Variants in ERBB4 observed in about 807,000 individuals in gnomAD.
ERBB4 encodes erb-b2 receptor tyrosine kinase 4.
ERBB4 carries 42 observed loss-of-function variants against 158.0 expected under a neutral mutation model. The ratio of observed to expected loss-of-function variants is 0.27; its 90% confidence interval spans 0.21 to 0.34. The LOEUF (loss-of-function observed/expected upper bound fraction) is 0.34. Ranked by LOEUF, ERBB4 falls within the 10% of genes least tolerant of loss-of-function variation. The pLI is 1.00. For synonymous variants in ERBB4, 583 were observed against 558.7 expected, an observed-to-expected ratio of 1.04 and a Z score of -0.61; for missense variants, 1,333 against 1,624.1, an observed-to-expected ratio of 0.82 and a Z score of 3.08.
At chr2:212,418,345 G>C (rs1008504544) in intron 1 of ERBB4, among the ~76,000 whole-genome samples, 1 of 151,718 alleles carries the variant, frequency 6.6e-6, no homozygotes, top group Non-Finnish European at 1.5e-5. Flanking sequence ...ACATTTTCTA[G>C]TGTTTTCCAT....
chr2:211,606,103 T>G (rs768291235), intron 19 of ERBB4, among the ~76,000 whole-genome samples: 1 of 152,100 alleles, frequency 6.6e-6, no homozygotes, highest in Non-Finnish European at 1.5e-5. Flanking sequence ...CTCTGTACAA[T>G]AGACAAAGTA....
At chr2:212,055,952 A>G (rs535562942) in intron 2 of ERBB4, among the ~76,000 whole-genome samples, 1 of 152,366 alleles carries the variant, frequency 6.6e-6, no homozygotes, top group East Asian at 1.9e-4. Flanking sequence ...AGTTGACAGA[A>G]GAAGGCTTCA....
rs1002191444 is a variant in ERBB4, at chr2:211,721,642, T to C, written c.883+751A>G. Reference sequence around the variant, plus strand: ...AAACATATATATATATATATATATATATACATGTTTTGTTTAAGGTTAACT... The same window carrying C: ...AAACATATATATATATATATATATACATACATGTTTTGTTTAAGGTTAACT... On this transcript the variant is annotated intron_variant, in intron 7 of 27. Coordinates refer to ENST00000342788, the MANE Select transcript of ERBB4 (RefSeq NM_005235.3). Among the ~76,000 whole-genome samples, 2 of 145,538 alleles carry C rather than the reference T, an allele frequency of 1.4e-5. 1 individual carries two copies. The highest frequency in any genetic ancestry group is 5.1e-5 in the African/African-American group (2 of 39,266).
Position 211,750,639 on chromosome 2 carries a change from A to C in ERBB4, c.622T>G (p.Leu208Val). 6.2e-7 allele frequency: 1 copy of C among 1,613,586 alleles called. No individual in the cohort carries two copies. ...WGPTENHCQTLTRTVCAEQCD... is the reference protein window; with the variant it reads ...WGPTENHCQTVTRTVCAEQCD... Reference sequence around the variant, plus strand: ...TGTGCTCTCACTGATGAACACTTACAAGTCTGGCAATGATTTTCTGTGGGT... The same window carrying C: ...TGTGCTCTCACTGATGAACACTTACCAGTCTGGCAATGATTTTCTGTGGGT... Residue 208 changes from leucine (L) to valine (V), a missense_variant and splice_region_variant, in exon 5 of 28, where the codon TTG (leucine) becomes GTG (valine). By Grantham distance (32) the Leu-to-Val change is conservative (BLOSUM62 1). This residue lies in a region of ERBB4 where 438 missense variants were observed against 586.9 expected (regional missense o/e 0.75). Coordinates refer to ENST00000342788, the MANE Select transcript of ERBB4 (RefSeq NM_005235.3).
chr2:211,880,569 T>C (rs900590327), intron 3 of ERBB4, among the ~76,000 whole-genome samples: 11 of 152,144 alleles, frequency 7.2e-5, no homozygotes, highest in African/African-American at 2.2e-4. Flanking sequence ...CAAAAAACAT[T>C]TGCACCAAAA....
intron 2 of ERBB4, among the ~76,000 whole-genome samples, chr2:212,114,436 T>C (rs2125547706): frequency 6.6e-6 from 1 of 152,310 alleles, no homozygotes; most frequent in East Asian, 1.9e-4. Flanking sequence ...TGAGTTTTCA[T>C]GTCATTAGTG....
At chr2:211,644,522 C>G (rs1317960517) in intron 16 of ERBB4, among the ~76,000 whole-genome samples, 1 of 151,944 alleles carries the variant, frequency 6.6e-6, no homozygotes, top group Non-Finnish European at 1.5e-5. Flanking sequence ...CAACTTTATA[C>G]TTTGCCTGAA....
At chr2:212,084,619 G>A (rs947901189) in intron 2 of ERBB4, among the ~76,000 whole-genome samples, 1 of 151,950 alleles carries the variant, frequency 6.6e-6, no homozygotes, top group Non-Finnish European at 1.5e-5. Context: ...AAAATCACAA[G>A]GATTTTGAAG....
chr2:212,438,493 A>G (rs963928572), intron 1 of ERBB4, among the ~76,000 whole-genome samples: 10 of 152,142 alleles, frequency 6.6e-5, no homozygotes, highest in Non-Finnish European at 1.0e-4. Context: ...TACAACAATT[A>G]GTAAGCACAC....
chr2:211,957,158 C>A (rs1185545679), intron 2 of ERBB4, among the ~76,000 whole-genome samples: 1 of 152,050 alleles, frequency 6.6e-6, no homozygotes, highest in Non-Finnish European at 1.5e-5. Context: ...CGCTGAAGTC[C>A]TAACCCATAC....
intron 25 of ERBB4, among the ~76,000 whole-genome samples, chr2:211,397,429 G>GC (rs1181984143): frequency 2.0e-5 from 3 of 152,032 alleles, no homozygotes; most frequent in African/African-American, 7.2e-5. Context: ...AAAAAATGAA[G>GC]CAAAAAATGA....
chr2:212,412,920 CTGTATTGGTT>C, intron 1 of ERBB4, among the ~76,000 whole-genome samples: 1 of 152,094 alleles, frequency 6.6e-6, no homozygotes, highest in Middle Eastern at 3.4e-3. Flanking sequence ...ATAATTCCCT[CTGTATTGGTT>C]TGTGATATGT....
At chr2:212,179,998 A>G (rs564422126) in intron 1 of ERBB4, among the ~76,000 whole-genome samples, 4 of 151,864 alleles carry the variant, frequency 2.6e-5, no homozygotes, top group African/African-American at 9.6e-5. Context: ...TTGGGGTACA[A>G]TTATTTGATG....
chr2:212,071,237 C>T (rs1385853330), intron 2 of ERBB4, among the ~76,000 whole-genome samples: 1 of 151,564 alleles, frequency 6.6e-6, no homozygotes, highest in African/African-American at 2.4e-5. Context: ...TCTATCTGAT[C>T]TGGTCCATAC....
chr2:212,342,559 T>C (rs1202860807), intron 1 of ERBB4, among the ~76,000 whole-genome samples: 1 of 152,146 alleles, frequency 6.6e-6, no homozygotes, highest in South Asian at 2.1e-4. Flanking sequence ...AGTATGAAAA[T>C]GGACTAATAC....
intron 5 of ERBB4, among the ~76,000 whole-genome samples, chr2:211,734,783 T>C (rs2074547636): frequency 1.3e-5 from 2 of 150,808 alleles, no homozygotes; most frequent in Admixed American, 1.3e-4. Flanking sequence ...TAGCCAGGCG[T>C]GGTGGCGGGC....
chr2:211,383,405 ACATTGTGGTTCCTC>A lies in ERBB4; in HGVS notation c.*196_*209del. 2 of 580,118 alleles carry A rather than the reference ACATTGTGGTTCCTC, an allele frequency of 3.4e-6. No homozygotes were observed. Among genetic ancestry groups the A allele is most frequent in the Non-Finnish European group, 6.2e-6 (2 of 324,972 alleles). The allele number at this position is 580,118 out of a possible 1,614,324, so 35.9% of individuals were successfully genotyped here. On this transcript the variant is annotated 3_prime_UTR_variant, in exon 28 of 28. Transcript: ENST00000342788. Reference sequence around the variant, plus strand: ...CCAACCCATGCAGAGAAATGAAGAAACATTGTGGTTCCTCCTATCTTTCTCTTTCAGTCTTTCCC... The same window carrying A: ...CCAACCCATGCAGAGAAATGAAGAAACTATCTTTCTCTTTCAGTCTTTCCC...
chr2:211,676,826 T>C (rs1229364153), intron 13 of ERBB4, among the ~76,000 whole-genome samples: 5 of 152,206 alleles, frequency 3.3e-5, no homozygotes, highest in Non-Finnish European at 5.9e-5. Flanking sequence ...TAGTCTATTG[T>C]GTTTTGTTTC....
At chr2:212,323,037 CTATT>C (rs987457998) in intron 1 of ERBB4, among the ~76,000 whole-genome samples, 2 of 150,242 alleles carry the variant, frequency 1.3e-5, no homozygotes, top group African/African-American at 4.9e-5. Context: ...TTAAAATAAA[CTATT>C]TAATTTTTCT....
Sources: gnomAD v4.1 joint callset for allele counts (sites outside exome capture counted in the v4.1 genomes callset) on GRCh38, gnomAD v4.1.1 for gene constraint, gnomAD v4.1.1 regional missense constraint, MANE v1.5 for transcripts, NCBI Gene and HGNC (gene_info 2026-07-23, HGNC 2026-07-21) for gene names.